PDZD2: variants seen among roughly 807,000 people sequenced by gnomAD.
PDZD2 encodes PDZ domain containing 2.
A neutral mutation model predicts 220.7 loss-of-function variants in PDZD2; 90 were observed. The ratio of observed to expected loss-of-function variants is 0.41; its 90% CI spans 0.34 to 0.49. The LOEUF (loss-of-function observed/expected upper bound fraction) is 0.49. Among genes scored for constraint, PDZD2 ranks in the 20% least tolerant of loss-of-function variants. The pLI is 0.28. For synonymous variants in PDZD2, 1,375 were observed against 1,450.5 expected, an observed-to-expected ratio of 0.95 and a Z score of 1.18; for missense variants, 3,174 against 3,608.5, an observed-to-expected ratio of 0.88 and a Z score of 3.08.
chr5:32,056,856 G>T (rs1484994313), intron 10 of PDZD2, among the ~76,000 whole-genome samples: 1 of 152,142 alleles, frequency 6.6e-6, no homozygotes, highest in Non-Finnish European at 1.5e-5. Flanking sequence ...TTGGGAAGCC[G>T]AGGCGGGCAG....
intron 1 of PDZD2, among the ~76,000 whole-genome samples, chr5:31,793,025 A>G (rs920039290): frequency 6.6e-6 from 1 of 150,644 alleles, no homozygotes; most frequent in Non-Finnish European, 1.5e-5. Context: ...TTTAGTAGAG[A>G]TGGGGTTTCA....
chr5:31,856,908 C>CTATATATA (rs61675053), intron 2 of PDZD2, among the ~76,000 whole-genome samples: 39 of 140,668 alleles, frequency 2.8e-4, no homozygotes, highest in African/African-American at 8.9e-4. Flanking sequence ...CTTATCAAAA[C>CTATATATA]TATATATATA....
At chr5:31,795,242 C>A (rs1166908173) in intron 1 of PDZD2, among the ~76,000 whole-genome samples, 1 of 152,042 alleles carries the variant, frequency 6.6e-6, no homozygotes, top group African/African-American at 2.4e-5. Context: ...ACTTTTTTTG[C>A]CTCCCTCAAC....
At position 32,090,086 on chromosome 5, in the gene PDZD2, A is replaced by C. The variant is rs1581471607; in HGVS notation, c.6638A>C (p.Tyr2213Ser). Residue 2213 changes from tyrosine (Y) to serine (S), a missense_variant, in exon 20 of 25, where the codon TAC becomes TCC. Tyr to Ser is a moderately radical substitution (Grantham distance 144). Around this residue, in one of 4 missense-constraint regions of PDZD2, gnomAD observed 631 missense variants for 789.9 expected, o/e 0.80. Transcript: ENST00000438447. This position sits in a 1 kb window ranked among gnomAD's most constrained non-coding sequence, Gnocchi z 4.3. ...PGGPSGEDHL[Y>S]FTPRPATRTY... Reference sequence around the variant, plus strand: ...GGCCCCTCGGGGGAGGACCATCTCTACTTCACCCCAAGGCCAGCGACCAGG... The same window carrying C: ...GGCCCCTCGGGGGAGGACCATCTCTCCTTCACCCCAAGGCCAGCGACCAGG... 1 of 1,613,566 alleles carries C rather than the reference A, an allele frequency of 6.2e-7. No homozygotes were observed. The highest frequency in any genetic ancestry group is 1.7e-5 in the Admixed American group (1 of 59,978).
In PDZD2 at chr5:32,098,265, G is replaced by A. The variant is rs1368116157; in HGVS notation, c.7948-99G>A. ...TCAAAAAATAAAAATAAAAAAGGAAGGTTCCTTTACTACAGATACGCAGTT... is the reference window on the plus strand; with the variant it reads ...TCAAAAAATAAAAATAAAAAAGGAAAGTTCCTTTACTACAGATACGCAGTT... On this transcript the variant is annotated intron_variant, in intron 22 of 24. Transcript: ENST00000438447. The surrounding 1 kb of genome is among the most constrained non-coding windows in gnomAD (Gnocchi z 4.1). The A allele has an allele frequency of 4.2e-6, 5 of 1,178,320 alleles. No homozygotes were observed. In the Admixed American group the frequency reaches 9.8e-5, roughly 23 times the overall value. 73.0% of individuals were successfully genotyped at this position (1,178,320 alleles called of 1,614,324 possible).
intron 1 of PDZD2, among the ~76,000 whole-genome samples, chr5:31,715,853 C>T (rs1446999957): frequency 1.3e-5 from 2 of 152,170 alleles, no homozygotes. Context: ...GAGCTGATTC[C>T]TTCATCTCTT....
chr5:31,880,182 A>G (rs955412735), intron 2 of PDZD2, among the ~76,000 whole-genome samples: 2 of 152,126 alleles, frequency 1.3e-5, no homozygotes, highest in Admixed American at 6.5e-5. Context: ...TTGGCCTCCC[A>G]AAGTGCTTGG....
intron 1 of PDZD2, among the ~76,000 whole-genome samples, chr5:31,644,507 G>T (rs1373796998): frequency 6.6e-6 from 1 of 152,232 alleles, no homozygotes; most frequent in African/African-American, 2.4e-5. Context: ...TTTGTGGTCT[G>T]ATAAGGCGGC....
At chr5:31,753,077 T>C (rs1371684300) in intron 1 of PDZD2, among the ~76,000 whole-genome samples, 1 of 152,200 alleles carries the variant, frequency 6.6e-6, no homozygotes, top group Non-Finnish European at 1.5e-5. Context: ...AGGACACTTG[T>C]CTCCTGAAGG....
At chr5:31,815,290 C>T (rs28788549) in intron 2 of PDZD2, among the ~76,000 whole-genome samples, 2 of 145,090 alleles carry the variant, frequency 1.4e-5, no homozygotes, top group Non-Finnish European at 3.0e-5. Context: ...GCAGATGTCT[C>T]ATCAGACTGT....
chr5:31,948,991 C>T (rs1746920826), intron 2 of PDZD2, among the ~76,000 whole-genome samples: 2 of 148,222 alleles, frequency 1.3e-5, no homozygotes, highest in Admixed American at 6.9e-5. Context: ...CCCAGCTACT[C>T]GGAGGCTGAG....
At chr5:32,078,639 A>T (rs987469605) in intron 19 of PDZD2, among the ~76,000 whole-genome samples, 3 of 32,992 alleles carry the variant, frequency 9.1e-5, no homozygotes, top group Non-Finnish European at 1.4e-4. Context: ...CTCAAAAATT[A>T]AAAAAAAAAA....
intron 1 of PDZD2, among the ~76,000 whole-genome samples, chr5:31,768,803 C>T (rs1415627531): frequency 3.3e-5 from 5 of 152,090 alleles, no homozygotes; most frequent in African/African-American, 7.2e-5. Flanking sequence ...GCAGGGACAG[C>T]GGTGGAGGGG....
intron 6 of PDZD2, among the ~76,000 whole-genome samples, chr5:32,029,329 TA>T (rs34025632): frequency 0.18 from 11,949 of 65,414 alleles, 583 homozygotes; most frequent in Middle Eastern, 0.26. Context: ...TCAAGAACTG[TA>T]AAAAAAAAAA....
intron 1 of PDZD2, among the ~76,000 whole-genome samples, chr5:31,718,826 G>A (rs916041274): frequency 2.7e-5 from 4 of 149,988 alleles, no homozygotes; most frequent in East Asian, 4.0e-4. Context: ...TCAGCCTCCC[G>A]AGTAGCTGGA....
chr5:31,912,576 T>A (rs564224176), intron 2 of PDZD2, among the ~76,000 whole-genome samples: 1 of 152,310 alleles, frequency 6.6e-6, no homozygotes, highest in African/African-American at 2.4e-5. Context: ...TGTGCTTGTC[T>A]AAGTGTAACC....
At chr5:31,807,322 TAGTG>T (rs1277759451) in intron 2 of PDZD2, among the ~76,000 whole-genome samples, 3 of 152,158 alleles carry the variant, frequency 2.0e-5, no homozygotes, top group South Asian at 2.1e-4. Flanking sequence ...TGGACCTACT[TAGTG>T]GGTGTGTGAT....
At chr5:31,766,557 T>C (rs1432551176) in intron 1 of PDZD2, among the ~76,000 whole-genome samples, 1 of 151,870 alleles carries the variant, frequency 6.6e-6, no homozygotes. Flanking sequence ...CCCTGCATAA[T>C]TTTTTTGAAT....
Position 32,087,584 on chromosome 5 carries a change from TGG to T in PDZD2, c.4137_4138del (p.Glu1380GlyfsTer21). ...GAAAGCTCCCAGGAGCCTTCCCTGC[TGG>T]AGGGAGCAGATTCTGTGTCCTCAAG... On this transcript the variant is annotated frameshift_variant, in exon 20 of 25. Transcript: ENST00000438447. LOFTEE classifies it high-confidence loss of function. This position sits in a 1 kb window ranked among gnomAD's most constrained non-coding sequence, Gnocchi z 4.0. The T allele has an allele frequency of 6.2e-7, 1 of 1,614,090 alleles. No individual in the cohort carries two copies.
Sources: gnomAD v4.1 joint callset for allele counts (sites outside exome capture counted in the v4.1 genomes callset) on GRCh38, gnomAD v4.1.1 for gene constraint, gnomAD v4.1.1 regional missense constraint, Gnocchi (gnomAD v3.1) non-coding constraint, MANE v1.5 for transcripts, NCBI Gene and HGNC (gene_info 2026-07-23, HGNC 2026-07-21) for gene names.